The following SPAG16 variants were observed in gnomAD, a reference collection of about 807,000 sequenced individuals.
The protein encoded by SPAG16 is sperm-associated antigen 16 protein.
Under a neutral mutation model 80.4 loss-of-function variants are expected in SPAG16, and 86 were observed. The ratio of observed to expected loss-of-function variants is 1.07; its 90% CI spans 0.90 to 1.28. SPAG16 has a LOEUF of 1.28. Ranked by LOEUF, SPAG16 falls within the 50% of genes most tolerant of loss-of-function variation. SPAG16 has a pLI of 0.00. For synonymous variants in SPAG16, 294 were observed against 265.9 expected, an observed-to-expected ratio of 1.11 and a Z score of -1.03; for missense variants, 870 against 765.3, an observed-to-expected ratio of 1.14 and a Z score of -1.61.
chr2:213,532,276 C>T (rs1358815160), intron 10 of SPAG16, among the ~76,000 whole-genome samples: 1 of 152,116 alleles, frequency 6.6e-6, no homozygotes, highest in Non-Finnish European at 1.5e-5. Flanking sequence ...ACAAAACAAT[C>T]TTTAGAAAAC....
At chr2:213,842,552 A>T (rs1332867428) in intron 10 of SPAG16, among the ~76,000 whole-genome samples, 1 of 152,030 alleles carries the variant, frequency 6.6e-6, no homozygotes, top group African/African-American at 2.4e-5. Flanking sequence ...ATTAGATTTA[A>T]TTTATTTTTT....
At chr2:214,059,377 G>A (rs888754011) in intron 13 of SPAG16, among the ~76,000 whole-genome samples, 8 of 149,654 alleles carry the variant, frequency 5.3e-5, no homozygotes. Flanking sequence ...AACTCCATTT[G>A]TTACCCTTTT....
At chr2:214,369,478 C>G (rs919880378) in intron 15 of SPAG16, among the ~76,000 whole-genome samples, 1 of 152,092 alleles carries the variant, frequency 6.6e-6, no homozygotes, top group Admixed American at 6.6e-5. Context: ...TAATGATTCT[C>G]CTTGCTTCTA....
chr2:214,342,217 C>G lies in SPAG16; in HGVS notation c.1721-67923C>G, dbSNP rs1435395790. Among the ~76,000 whole-genome samples the G allele has an allele frequency of 5.3e-5, 8 of 152,098 alleles. 2 individuals carry two copies. Among genetic ancestry groups the G allele is most frequent in the Non-Finnish European group, 8.8e-5 (6 of 68,018 alleles). ...TGTAAATGTCCTAAAGCAGGGGTTA[C>G]TAAAGCAGGGGTTCCCAAAGCAGGG... On this transcript the variant is annotated intron_variant, in intron 15 of 15. Coordinates refer to ENST00000331683, the MANE Select transcript of SPAG16 (RefSeq NM_024532.5).
chr2:213,599,372 G>A (rs536787445), intron 10 of SPAG16, among the ~76,000 whole-genome samples: 2 of 152,182 alleles, frequency 1.3e-5, no homozygotes, highest in South Asian at 2.1e-4. Context: ...ATTAAACTGC[G>A]CAGGTCCACT....
chr2:214,071,372 G>A (rs76853595), intron 13 of SPAG16, among the ~76,000 whole-genome samples: 161 of 152,202 alleles, frequency 1.1e-3, no homozygotes, highest in African/African-American at 3.7e-3. Flanking sequence ...CCTTCAGGCA[G>A]TCGGACTTCT....
intron 10 of SPAG16, among the ~76,000 whole-genome samples, chr2:213,751,962 A>G (rs1433457361): frequency 6.6e-6 from 1 of 152,222 alleles, no homozygotes; most frequent in Non-Finnish European, 1.5e-5. Context: ...TTCATAACAA[A>G]TTAAATCAAA....
intron 11 of SPAG16, among the ~76,000 whole-genome samples, chr2:213,896,990 A>G (rs1288350537): frequency 6.6e-6 from 1 of 152,068 alleles, no homozygotes; most frequent in Non-Finnish European, 1.5e-5. Flanking sequence ...AAGTAATAAG[A>G]CCTAGTGATA....
chr2:214,160,851 A>G (rs2056407635), intron 15 of SPAG16, among the ~76,000 whole-genome samples: 1 of 151,996 alleles, frequency 6.6e-6, no homozygotes, highest in Admixed American at 6.6e-5. Flanking sequence ...TATTCATCTT[A>G]CTATTTTATT....
intron 15 of SPAG16, among the ~76,000 whole-genome samples, chr2:214,187,839 C>T (rs989397506): frequency 8.0e-5 from 12 of 150,636 alleles, no homozygotes; most frequent in African/African-American, 2.7e-4. Context: ...AAAATGTAAA[C>T]AAAATGAAAT....
At chr2:214,013,162 G>C (rs1171328425) in intron 12 of SPAG16, among the ~76,000 whole-genome samples, 2 of 149,228 alleles carry the variant, frequency 1.3e-5, no homozygotes, top group African/African-American at 2.4e-5. Flanking sequence ...GCTTGAGACT[G>C]GGTATGAGTA....
rs569088918 is a variant in SPAG16 at position 214,008,699 on chromosome 2, C to T, written c.1401-5252C>T. On this transcript the variant is annotated intron_variant, in intron 12 of 15. Transcript: ENST00000331683. ...GACAGAGGTTGCAGTGAGCCAAGAT[C>T]GTGCCACTGCACTCCAGCCTGGGCA... 2.1e-4 allele frequency among the ~76,000 whole-genome samples: 32 copies of T among 150,716 alleles called. 1 individual carries two copies. The South Asian group carries it at 2.9e-3, about 14-fold the overall frequency.
intron 5 of SPAG16, among the ~76,000 whole-genome samples, chr2:213,339,156 T>C (rs2064544447): frequency 6.6e-6 from 1 of 152,230 alleles, no homozygotes; most frequent in South Asian, 2.1e-4. Context: ...AGCCTTACTT[T>C]ATCTCATAAA....
At position 213,472,897 on chromosome 2, in the gene SPAG16, G is replaced by A. The variant is rs1040966511; in HGVS notation, c.943-17066G>A. Reference sequence around the variant, plus strand: ...CAATGCACAGTTACCCTAGTAAAATGCTGGAGGTTTCCTTGGGGAAGAATG... The same window carrying A: ...CAATGCACAGTTACCCTAGTAAAATACTGGAGGTTTCCTTGGGGAAGAATG... On this transcript the variant is annotated intron_variant, in intron 9 of 15. Transcript: ENST00000331683. Among the ~76,000 whole-genome samples the A allele has an allele frequency of 9.2e-5, 14 of 152,316 alleles. No individual in the cohort carries two copies. In the East Asian group the frequency reaches 2.7e-3, roughly 29 times the overall value.
intron 12 of SPAG16, among the ~76,000 whole-genome samples, chr2:214,011,651 A>G (rs2047286840): frequency 6.6e-6 from 1 of 152,196 alleles, no homozygotes; most frequent in African/African-American, 2.4e-5. Flanking sequence ...TGGTATACAC[A>G]TCATCAACTT....
At chr2:213,660,270 TTG>T (rs2063370684) in intron 10 of SPAG16, among the ~76,000 whole-genome samples, 1 of 149,860 alleles carries the variant, frequency 6.7e-6, no homozygotes, top group African/African-American at 2.5e-5. Flanking sequence ...ATTAGTGTTG[TTG>T]TTTTTTTTTT....
intron 14 of SPAG16, among the ~76,000 whole-genome samples, chr2:214,125,358 A>T (rs551850192): frequency 1.3e-5 from 2 of 151,888 alleles, no homozygotes; most frequent in African/African-American, 4.8e-5. Context: ...AAATCAAGTC[A>T]TTACATTATG....
At chr2:213,309,706 C>T (rs796380677) in intron 3 of SPAG16, among the ~76,000 whole-genome samples, 26 of 152,128 alleles carry the variant, frequency 1.7e-4, no homozygotes, top group African/African-American at 6.0e-4. Context: ...ACCCTAAATA[C>T]GTAGCAACCC....
At chr2:213,428,777 G>A (rs781208277) in intron 9 of SPAG16, among the ~76,000 whole-genome samples, 36 of 152,096 alleles carry the variant, frequency 2.4e-4, no homozygotes, top group Non-Finnish European at 4.7e-4. Flanking sequence ...GTTGGGGAGT[G>A]AACCCTGCCA....
Sources: allele counts gnomAD v4.1 joint callset (sites outside exome capture counted in the v4.1 genomes callset), GRCh38; gene constraint gnomAD v4.1.1; transcripts MANE v1.5; gene names NCBI Gene and HGNC (gene_info 2026-07-23, HGNC 2026-07-21).